The following CDH18 variants were observed in gnomAD, a reference collection of about 807,000 sequenced individuals.
CDH18 encodes cadherin-18.
Under a neutral mutation model 67.9 loss-of-function variants are expected in CDH18, and 31 were observed. That is an observed-to-expected ratio of 0.46 (90% CI 0.34 to 0.62). The LOEUF (loss-of-function observed/expected upper bound fraction) is 0.62, where lower values mean the gene tolerates loss of function less well. Ranked by LOEUF, CDH18 falls within the 20% of genes least tolerant of loss-of-function variation. The pLI is 0.01. For missense variants in CDH18, 890 were observed against 975.5 expected (o/e 0.91, Z 1.17); for synonymous variants, 362 against 347.2 (o/e 1.04, Z -0.48).
chr5:19,961,016 C>T (rs1260059349), intron 2 of CDH18, among the ~76,000 whole-genome samples: 1 of 151,352 alleles, frequency 6.6e-6, no homozygotes, highest in African/African-American at 2.4e-5. Context: ...CCATCATCAC[C>T]ACAAACGTGA....
intron 2 of CDH18, among the ~76,000 whole-genome samples, chr5:20,234,028 G>A (rs1742283482): frequency 6.6e-6 from 1 of 151,994 alleles, no homozygotes; most frequent in South Asian, 2.1e-4. Flanking sequence ...AAACTCACAT[G>A]TACCATAATA....
intron 2 of CDH18, among the ~76,000 whole-genome samples, chr5:20,177,617 T>C (rs1737339592): frequency 6.6e-6 from 1 of 152,170 alleles, no homozygotes; most frequent in East Asian, 1.9e-4. Flanking sequence ...AGGAGATTCA[T>C]GTTTGAGTTG....
rs114560388 is a variant in CDH18 at position 19,751,807 on chromosome 5, A to G, written c.229-4571T>C. ...GTTAAATAAAGTTTTATTTTTAAAA[A>G]TTTAATCCATCAAGGTGGATGGGAG... is the stretch of plus-strand genomic sequence containing the variant. On this transcript the variant is annotated intron_variant, in intron 3 of 12. Coordinates refer to ENST00000382275, the MANE Select transcript of CDH18 (RefSeq NM_004934.5). 2.3e-3 allele frequency among the ~76,000 whole-genome samples: 343 copies of G among 152,344 alleles called. 3 individuals carry two copies. The highest frequency in any genetic ancestry group is 7.8e-3 in the African/African-American group (325 of 41,576).
chr5:20,552,349 C>T (rs1049132793), intron 1 of CDH18, among the ~76,000 whole-genome samples: 18 of 151,914 alleles, frequency 1.2e-4, no homozygotes, highest in East Asian at 1.9e-4. Flanking sequence ...TGGTCGTGGG[C>T]GCCTGTTATC....
intron 1 of CDH18, among the ~76,000 whole-genome samples, chr5:20,316,716 G>T (rs1032754133): frequency 6.6e-6 from 1 of 151,944 alleles, no homozygotes; most frequent in South Asian, 2.1e-4. Context: ...TGATAGTAAA[G>T]ACAGTTATAG....
chr5:19,741,862 T>C (rs984208583), intron 4 of CDH18, among the ~76,000 whole-genome samples: 2 of 152,104 alleles, frequency 1.3e-5, no homozygotes, highest in African/African-American at 4.8e-5. Context: ...CACCACCGCA[T>C]TTATTAGGTA....
intron 1 of CDH18, among the ~76,000 whole-genome samples, chr5:20,556,241 G>A (rs1025881361): frequency 2.0e-5 from 3 of 152,254 alleles, no homozygotes; most frequent in South Asian, 4.1e-4. Context: ...CAGGCTATAG[G>A]CTAAAATATG....
At chr5:19,682,295 ACTGCACTACTTTC>A (rs1760450830) in intron 5 of CDH18, among the ~76,000 whole-genome samples, 1 of 151,970 alleles carries the variant, frequency 6.6e-6, no homozygotes, top group South Asian at 2.1e-4. Flanking sequence ...TATCATCTTG[ACTGCACTACTTTC>A]CTCCTGTTTC....
rs138154295 is a variant in CDH18, at chr5:19,938,065, A to C, written c.-257+42995T>G. Among the ~76,000 whole-genome samples the C allele has an allele frequency of 2.1e-3, 309 of 148,758 alleles. 1 individual carries two copies. The highest frequency in any genetic ancestry group is 7.0e-3 in the African/African-American group (288 of 40,976). On this transcript the variant is annotated intron_variant, in intron 2 of 12. Transcript: ENST00000382275. ...TTTATATATTTAAATATATATATTT[A>C]AACAATGGATACATAGACTTTTTTT...
In CDH18 at chr5:20,283,747, C is replaced by T. The variant is rs1352288789; in HGVS notation, c.-579-28242G>A. Among the ~76,000 whole-genome samples the T allele has an allele frequency of 2.2e-4, 34 of 152,090 alleles. 1 individual carries two copies. The highest frequency in any genetic ancestry group is 2.2e-3 in the Admixed American group (34 of 15,240). On this transcript the variant is annotated intron_variant, in intron 1 of 14. Transcript: ENST00000507958. ...ACCATATGATCCAGCAAATCCACTA[C>T]TAGGTATATACCCAAAATAAAGGAA...
rs184034293 is a variant in CDH18, at chr5:20,551,924, T to A, written c.-580+23538A>T. ...TAATCTGAGCTTATAACTTCTTTTTTAAAGTATTTGAAACCCTGACAATAT... is the reference window on the plus strand; with the variant it reads ...TAATCTGAGCTTATAACTTCTTTTTAAAAGTATTTGAAACCCTGACAATAT... On this transcript the variant is annotated intron_variant, in intron 1 of 14. Transcript: ENST00000507958. Among the ~76,000 whole-genome samples the A allele has an allele frequency of 6.2e-3, 948 of 152,264 alleles. 15 individuals carry two copies. The highest frequency in any genetic ancestry group is 0.022 in the African/African-American group (903 of 41,560).
Position 19,506,076 on chromosome 5 carries a change from T to C in CDH18, c.1513-2967A>G, listed in dbSNP as rs575813306. Among the ~76,000 whole-genome samples the C allele has an allele frequency of 3.9e-5, 6 of 152,198 alleles. No homozygotes were observed. In the East Asian group the frequency reaches 7.7e-4, roughly 20 times the overall value. On this transcript the variant is annotated intron_variant, in intron 10 of 12. Transcript: ENST00000382275. ...GTGTATGTGTCAAGGAATTTATCCATTTCAAATCAATGTGGAAAAATCACA... is the reference window on the plus strand; with the variant it reads ...GTGTATGTGTCAAGGAATTTATCCACTTCAAATCAATGTGGAAAAATCACA...
chr5:19,766,298 C>G (rs1208927591), intron 3 of CDH18, among the ~76,000 whole-genome samples: 2 of 152,134 alleles, frequency 1.3e-5, no homozygotes, highest in Admixed American at 1.3e-4. Flanking sequence ...TCTCAGTAAC[C>G]CAAGATTGAA....
chr5:20,334,229 G>T (rs981793169), intron 1 of CDH18, among the ~76,000 whole-genome samples: 1 of 144,508 alleles, frequency 6.9e-6, no homozygotes, highest in Non-Finnish European at 1.5e-5. Flanking sequence ...GCCCCCTGGG[G>T]TTCACGCCAT....
intron 2 of CDH18, among the ~76,000 whole-genome samples, chr5:20,250,673 C>T (rs1743790095): frequency 7.8e-6 from 1 of 127,738 alleles, no homozygotes; most frequent in East Asian, 2.7e-4. Context: ...TGCCATCTTG[C>T]GGCTCACTGA....
chr5:20,540,134 A>G (rs1001529365), intron 1 of CDH18, among the ~76,000 whole-genome samples: 8 of 152,144 alleles, frequency 5.3e-5, no homozygotes, highest in Non-Finnish European at 1.2e-4. Flanking sequence ...GACTTCTTAG[A>G]GAGGCTACAA....
intron 2 of CDH18, among the ~76,000 whole-genome samples, chr5:19,914,962 T>C (rs1791588406): frequency 6.6e-6 from 1 of 152,152 alleles, no homozygotes; most frequent in African/African-American, 2.4e-5. Flanking sequence ...AATTACTTTA[T>C]TTCCTCCCCG....
At chr5:20,340,015 G>T (rs149756052) in intron 1 of CDH18, among the ~76,000 whole-genome samples, 1 of 152,260 alleles carries the variant, frequency 6.6e-6, no homozygotes, top group Non-Finnish European at 1.5e-5. Flanking sequence ...ATTGATGAAA[G>T]CACCAGAGAA....
chr5:19,997,972 T>C (rs80076147), intron 2 of CDH18, among the ~76,000 whole-genome samples: 2,209 of 152,192 alleles, frequency 0.015, 60 homozygotes, highest in African/African-American at 0.05. Context: ...CATAAAACCT[T>C]GTATACAAAA....
Sources: gnomAD v4.1 joint callset for allele counts (sites outside exome capture counted in the v4.1 genomes callset) on GRCh38, gnomAD v4.1.1 for gene constraint, MANE v1.5 for transcripts, NCBI Gene and HGNC (gene_info 2026-07-23, HGNC 2026-07-21) for gene names.